Variants in DZANK1 observed in about 807,000 individuals in gnomAD.
DZANK1 encodes the protein double zinc ribbon and ankyrin repeat-containing protein 1.
A neutral mutation model predicts 94.5 loss-of-function variants in DZANK1; 91 were observed. The ratio of observed to expected loss-of-function variants is 0.96; its 90% CI spans 0.81 to 1.15. The LOEUF is 1.15. Ranked by LOEUF, DZANK1 falls within the 50% of genes most tolerant of loss-of-function variation. The probability of loss-of-function intolerance (pLI) is 0.00; values close to 1 mark genes in which losing one functional copy is unlikely to be tolerated. For missense variants in DZANK1, 903 were observed against 916.4 expected (o/e 0.99, Z 0.19); for synonymous variants, 312 against 325.3 (o/e 0.96, Z 0.44).
chr20:18,389,223 CAGG>C (rs1443189877), intron 19 of DZANK1, among the ~76,000 whole-genome samples: 1 of 152,134 alleles, frequency 6.6e-6, no homozygotes, highest in African/African-American at 2.4e-5. Flanking sequence ...AGCAAGGCAG[CAGG>C]AGACCATGTG....
chr20:18,466,474 G>A (rs1426387630), intron 1 of DZANK1, among the ~76,000 whole-genome samples: 1 of 152,114 alleles, frequency 6.6e-6, no homozygotes, highest in African/African-American at 2.4e-5. Context: ...CCGGATCTAG[G>A]GCCAAGAATA....
chr20:18,403,800 T>C (rs559064003), intron 13 of DZANK1, among the ~76,000 whole-genome samples: 64 of 145,600 alleles, frequency 4.4e-4, no homozygotes, highest in African/African-American at 5.1e-4. Context: ...TTCTTTCTTT[T>C]TTTTTTTTTT....
intron 7 of DZANK1, among the ~76,000 whole-genome samples, chr20:18,448,583 T>C (rs1186446641): frequency 6.6e-6 from 1 of 152,062 alleles, no homozygotes; most frequent in African/African-American, 2.4e-5. Flanking sequence ...ATTTAAAAAG[T>C]TGGGGCCGGG....
In DZANK1 at chr20:18,412,786, A is replaced by T. The variant is rs769717059; in HGVS notation, c.1292T>A (p.Ile431Lys). ...GAAGAGGCCAACAGTCTGTGTTCCT[A>T]TGTCCCTCTTAGTCCCAACATCAGA... is the stretch of plus-strand genomic sequence containing the variant. The change falls in exon 13 of 21, where the codon ATA becomes AAA. Residue 431 changes from isoleucine to lysine, a missense_variant. Physicochemically the swap from Ile to Lys is moderately radical, Grantham distance 102. Coordinates refer to ENST00000262547, the Ensembl canonical transcript of DZANK1. 4 of 1,613,918 alleles carry T rather than the reference A, an allele frequency of 2.5e-6. No individual in the cohort carries two copies. The East Asian group carries it at 6.7e-5, about 27-fold the overall frequency.
intron 10 of DZANK1, among the ~76,000 whole-genome samples, 169 bp downstream of exon 10, chr20:18,426,898 G>A (rs1172762781): frequency 3.3e-5 from 5 of 152,170 alleles, no homozygotes; most frequent in African/African-American, 9.7e-5. Context: ...AAAACAATTT[G>A]TATTGATATA....
intron 4 of DZANK1, chr20:18,454,138 G>A (rs905175669): frequency 2.3e-6 from 1 of 427,048 alleles, no homozygotes; most frequent in Admixed American, 2.9e-5. Flanking sequence ...GGACCACCAA[G>A]TCCAGAGGGC....
intron 15 of DZANK1, chr20:18,394,796 TACTA>T (rs761410972): frequency 2.0e-5 from 9 of 457,464 alleles, no homozygotes; most frequent in South Asian, 1.2e-4. Flanking sequence ...GTCTGCCACT[TACTA>T]ACTTAGTGCC....
chr20:18,403,357 G>C (rs140368492), intron 13 of DZANK1, among the ~76,000 whole-genome samples: 10 of 152,302 alleles, frequency 6.6e-5, no homozygotes, highest in Non-Finnish European at 1.5e-4. Flanking sequence ...AGCCCCTAAA[G>C]CAATGGTGCC....
In DZANK1 at chr20:18,419,279, T is replaced by G. The variant is rs75907362; in HGVS notation, c.955-3830A>C. Reference sequence around the variant, plus strand: ...TCCATCTCAAAAAAAAAAAAAAAAATGAACAGAACCTCAGGGACTTATTAG... The same window carrying G: ...TCCATCTCAAAAAAAAAAAAAAAAAGGAACAGAACCTCAGGGACTTATTAG... On this transcript the variant is annotated intron_variant, in intron 10 of 20. Transcript: ENST00000262547. 6.6e-3 allele frequency among the ~76,000 whole-genome samples: 930 copies of G among 141,940 alleles called. 7 individuals carry two copies. Among genetic ancestry groups the G allele is most frequent in the Non-Finnish European group, 9.8e-3 (639 of 65,290 alleles). 93.1% of individuals were successfully genotyped at this position (141,940 alleles called of 152,430 possible). A position where few individuals can be genotyped will look rare whatever the true frequency, so the allele number is the denominator to read the frequency against.
chr20:18,458,245 A>C (rs1348221807), intron 3 of DZANK1, among the ~76,000 whole-genome samples: 1 of 152,216 alleles, frequency 6.6e-6, no homozygotes, highest in East Asian at 1.9e-4. Flanking sequence ...CCTTGAAGCA[A>C]ATAAGTATCC....
intron 14 of DZANK1, among the ~76,000 whole-genome samples, chr20:18,397,963 T>A (rs796855036): frequency 1.1e-4 from 17 of 152,294 alleles, no homozygotes; most frequent in African/African-American, 3.8e-4. Context: ...TCATAGTCCG[T>A]TAGTCAAACA....
At chr20:18,436,677 A>G (rs2424193) in intron 8 of DZANK1, among the ~76,000 whole-genome samples, 3,758 of 152,266 alleles carry the variant, frequency 0.025, 81 homozygotes, top group Middle Eastern at 0.085. Flanking sequence ...ACAATGGCCA[A>G]TATTTCCCAC....
chr20:18,385,138 A>C, intron 19 of DZANK1, 48 bp from the exon 20 acceptor site: 1 of 1,531,820 alleles, frequency 6.5e-7, no homozygotes. Flanking sequence ...TAGCATCATC[A>C]GGAAACTGGA....
intron 6 of DZANK1, 81 bp from the exon 7 acceptor site, chr20:18,449,150 A>T: frequency 1.8e-6 from 2 of 1,102,710 alleles, no homozygotes; most frequent in South Asian, 1.3e-5. Context: ...GTAAAATTCC[A>T]TTAAAAATCA....
At chr20:18,394,150 A>T (rs1455078648) in intron 16 of DZANK1, 104 bp downstream of exon 16, 7 of 971,518 alleles carry the variant, frequency 7.2e-6, no homozygotes, top group African/African-American at 6.5e-5. Flanking sequence ...TAACTGCAAG[A>T]TCTGTGACCG....
chr20:18,456,123 C>G (rs568158301), intron 3 of DZANK1, among the ~76,000 whole-genome samples: 7 of 152,254 alleles, frequency 4.6e-5, no homozygotes, highest in African/African-American at 1.7e-4. Flanking sequence ...AGACCATAAG[C>G]CTCAAACTAT....
chr20:18,421,547 T>C (rs770543260), intron 10 of DZANK1: 4 of 152,240 alleles, frequency 2.6e-5, no homozygotes, highest in Admixed American at 6.5e-5. Flanking sequence ...TTGAGGGTTG[T>C]CAGTTTGCAT....
chr20:18,465,686 C>T (rs995599516), intron 1 of DZANK1, among the ~76,000 whole-genome samples: 27 of 152,160 alleles, frequency 1.8e-4, no homozygotes, highest in African/African-American at 6.3e-4. Flanking sequence ...CTATCACTAA[C>T]GCTCTGACTT....
intron 20 of DZANK1, 94 bp downstream of exon 20, chr20:18,384,922 G>T: frequency 8.0e-7 from 1 of 1,254,014 alleles, no homozygotes; most frequent in Non-Finnish European, 1.1e-6. Flanking sequence ...AGGGACAGCA[G>T]TTCAGGAACC....
Sources: allele counts gnomAD v4.1 joint callset (sites outside exome capture counted in the v4.1 genomes callset), GRCh38; gene constraint gnomAD v4.1.1; transcripts MANE v1.5; gene names NCBI Gene and HGNC (gene_info 2026-07-23, HGNC 2026-07-21).